Variants in ERI3 observed in about 807,000 individuals in gnomAD.
ERI3 encodes ERI1 exoribonuclease family member 3, also known as ERI1 exoribonuclease 3.
A neutral mutation model predicts 44.4 loss-of-function variants in ERI3; 18 were observed. The ratio of observed to expected loss-of-function variants is 0.41; its 90% CI spans 0.28 to 0.60. The LOEUF is 0.60. Among genes scored for constraint, ERI3 ranks in the 20% least tolerant of loss-of-function variants. The pLI is 0.36. For missense variants in ERI3, 294 were observed against 435.5 expected, an observed-to-expected ratio of 0.68 and a Z score of 2.89; for synonymous variants, 183 against 164.8, an observed-to-expected ratio of 1.11 and a Z score of -0.84.
At chr1:44,253,244 T>C (rs751172464) in intron 7 of ERI3, among the ~76,000 whole-genome samples, 1 of 152,202 alleles carries the variant, frequency 6.6e-6, no homozygotes, top group Non-Finnish European at 1.5e-5. Context: ...CCATGCCTCA[T>C]AGAAAGGCTC....
chr1:44,227,307 G>A (rs1181282877), intron 8 of ERI3, among the ~76,000 whole-genome samples: 1 of 152,206 alleles, frequency 6.6e-6, no homozygotes, highest in Non-Finnish European at 1.5e-5. Flanking sequence ...GAAGAGGTAG[G>A]GTAGGGTAGT....
intron 8 of ERI3, among the ~76,000 whole-genome samples, chr1:44,246,244 G>A (rs544433679): frequency 5.9e-5 from 9 of 152,246 alleles, no homozygotes; most frequent in African/African-American, 1.9e-4. Flanking sequence ...AACACACTGG[G>A]TTTCTCATGC....
intron 7 of ERI3, among the ~76,000 whole-genome samples, chr1:44,249,439 G>GCCAGGGC (rs1302339050): frequency 2.6e-5 from 4 of 152,198 alleles, no homozygotes; most frequent in African/African-American, 7.2e-5. Context: ...CAGTGTCTGT[G>GCCAGGGC]CCAGGGCCCA....
At chr1:44,306,806 A>C (rs1645845240) in intron 6 of ERI3, among the ~76,000 whole-genome samples, 1 of 152,242 alleles carries the variant, frequency 6.6e-6, no homozygotes. Flanking sequence ...ACCTGGAGGA[A>C]GTGGACCTCT....
intron 4 of ERI3, among the ~76,000 whole-genome samples, chr1:44,314,352 A>C (rs568997355): frequency 6.6e-6 from 1 of 152,168 alleles, no homozygotes; most frequent in African/African-American, 2.4e-5. Context: ...TCTGTAGTTC[A>C]TCAAGTCATT....
intron 7 of ERI3, among the ~76,000 whole-genome samples, chr1:44,266,334 TG>T (rs1644990543): frequency 6.6e-6 from 1 of 152,220 alleles, no homozygotes; most frequent in African/African-American, 2.4e-5. Flanking sequence ...GAATAAGGCT[TG>T]GAAGTAGACC....
intron 6 of ERI3, among the ~76,000 whole-genome samples, chr1:44,296,257 G>A (rs1230027347): frequency 6.6e-6 from 1 of 152,164 alleles, no homozygotes; most frequent in East Asian, 1.9e-4. Context: ...ATGCAGGGAG[G>A]TTCAGAAGCT....
chr1:44,342,015 C>T (rs1188344669), intron 2 of ERI3, among the ~76,000 whole-genome samples: 1 of 152,212 alleles, frequency 6.6e-6, no homozygotes, highest in Non-Finnish European at 1.5e-5. Flanking sequence ...TTACTTCTAA[C>T]AACCAAGCTC....
intron 6 of ERI3, among the ~76,000 whole-genome samples, chr1:44,293,185 C>T (rs540089771): frequency 1.6e-4 from 25 of 152,368 alleles, no homozygotes; most frequent in African/African-American, 6.0e-4. Flanking sequence ...AGAACTATGG[C>T]CTACCACCAG....
At chr1:44,294,563 A>G (rs1370285823) in intron 6 of ERI3, among the ~76,000 whole-genome samples, 1 of 152,172 alleles carries the variant, frequency 6.6e-6, no homozygotes, top group African/African-American at 2.4e-5. Flanking sequence ...TTCCATGGCA[A>G]CTCATCAGGG....
chr1:44,253,668 A>G (rs1644726597), intron 7 of ERI3, among the ~76,000 whole-genome samples: 1 of 152,200 alleles, frequency 6.6e-6, no homozygotes, highest in African/African-American at 2.4e-5. Flanking sequence ...CTTCCACCTC[A>G]ATCACTGGAA....
intron 5 of ERI3, among the ~76,000 whole-genome samples, chr1:44,311,884 C>T (rs561675556): frequency 6.6e-6 from 1 of 151,864 alleles, no homozygotes; most frequent in South Asian, 2.1e-4. Flanking sequence ...CTCCCTTGGT[C>T]ATAGGAATGA....
intron 2 of ERI3, among the ~76,000 whole-genome samples, chr1:44,349,427 T>G (rs980166324): frequency 1.3e-5 from 2 of 151,930 alleles, no homozygotes; most frequent in African/African-American, 4.8e-5. Context: ...TCCCAAAGTG[T>G]TGGGATTACA....
intron 7 of ERI3, 81 bp downstream of exon 7, chr1:44,284,754 T>G: frequency 9.7e-7 from 1 of 1,031,542 alleles, no homozygotes; most frequent in Non-Finnish European, 1.5e-6. Flanking sequence ...AGAACAGATA[T>G]AAGAAAAGAA....
chr1:44,292,405 G>A lies in ERI3; in HGVS notation c.759-7498C>T, dbSNP rs577372418. On this transcript the variant is annotated intron_variant, in intron 6 of 8. Transcript: ENST00000372257. Reference sequence around the variant, plus strand: ...AATGAGAGAGCTTTCTACCTCAACCGACCACTTTATATTCAGGAGTATCAC... The same window carrying A: ...AATGAGAGAGCTTTCTACCTCAACCAACCACTTTATATTCAGGAGTATCAC... 3.3e-5 allele frequency among the ~76,000 whole-genome samples: 5 copies of A among 152,236 alleles called. No homozygotes were observed. The South Asian group carries it at 6.2e-4, about 19-fold the overall frequency.
chr1:44,352,826 T>C, intron 2 of ERI3, 24 bp downstream of exon 2: 2 of 1,613,912 alleles, frequency 1.2e-6, no homozygotes, highest in Non-Finnish European at 1.7e-6. Context: ...AAAGCCAGAC[T>C]TGACCATGCA....
chr1:44,221,668 A>G lies in ERI3; in HGVS notation c.932-28T>C, dbSNP rs763976552. ...AAAAAGGAGAGAAGACATTTAGATC[A>G]GCCCCAGATCCTTCCCCTCCATGCC... On this transcript the variant is annotated intron_variant, in intron 8 of 8. Transcript: ENST00000372257. This position sits in a 1 kb window ranked among gnomAD's most constrained non-coding sequence, Gnocchi z 5.9. 1 of 1,590,762 alleles carries G rather than the reference A, an allele frequency of 6.3e-7. No individual in the cohort carries two copies. Among genetic ancestry groups the G allele is most frequent in the South Asian group, 1.1e-5 (1 of 90,626 alleles).
intron 8 of ERI3, among the ~76,000 whole-genome samples, chr1:44,224,482 C>T (rs1557762657): frequency 6.6e-6 from 1 of 152,222 alleles, no homozygotes; most frequent in East Asian, 1.9e-4. Flanking sequence ...CTGCATACCA[C>T]ACAGCAAGGG....
At chr1:44,260,641 G>A (rs1644874972) in intron 7 of ERI3, among the ~76,000 whole-genome samples, 1 of 152,086 alleles carries the variant, frequency 6.6e-6, no homozygotes, top group Admixed American at 6.5e-5. Context: ...CTAGCCCCTG[G>A]GTCTCAGTTT....
Sources: gnomAD v4.1 joint callset for allele counts (sites outside exome capture counted in the v4.1 genomes callset) on GRCh38, gnomAD v4.1.1 for gene constraint, Gnocchi (gnomAD v3.1) non-coding constraint, MANE v1.5 for transcripts, NCBI Gene and HGNC (gene_info 2026-07-23, HGNC 2026-07-21) for gene names.